The following PTPRD variants were observed in gnomAD, a reference collection of about 807,000 sequenced individuals.
PTPRD encodes the protein protein tyrosine phosphatase receptor type D, also known as receptor-type tyrosine-protein phosphatase delta.
Under a neutral mutation model 214.5 loss-of-function variants are expected in PTPRD, and 34 were observed. The ratio of observed to expected loss-of-function variants is 0.16; its 90% CI spans 0.12 to 0.21. The LOEUF (loss-of-function observed/expected upper bound fraction) is 0.21. Ranked by LOEUF, PTPRD falls within the 10% of genes least tolerant of loss-of-function variation. The pLI, the probability that PTPRD is intolerant of heterozygous loss-of-function variation, is 1.00. For missense variants in PTPRD, 2,545 were observed against 2,398.7 expected (o/e 1.06, Z -1.27); for synonymous variants, 1,128 against 845.7 (o/e 1.33, Z -5.79).
chr9:9,650,039 C>T (rs1227685332), intron 7 of PTPRD, among the ~76,000 whole-genome samples: 1 of 152,108 alleles, frequency 6.6e-6, no homozygotes, highest in Non-Finnish European at 1.5e-5. Flanking sequence ...AAAATCTCAT[C>T]TCAAATTGTA....
At chr9:9,046,176 G>A (rs1411380027) in intron 10 of PTPRD, among the ~76,000 whole-genome samples, 1 of 152,142 alleles carries the variant, frequency 6.6e-6, no homozygotes, top group Non-Finnish European at 1.5e-5. Context: ...CTAATTGCTT[G>A]AATGCACACT....
At chr9:9,964,099 GAC>G (rs2094533984) in intron 4 of PTPRD, among the ~76,000 whole-genome samples, 1 of 152,116 alleles carries the variant, frequency 6.6e-6, no homozygotes, top group Admixed American at 6.5e-5. Context: ...GACAGACAAA[GAC>G]AGAGACAGAG....
chr9:10,323,223 CCCTTCT>C, intron 3 of PTPRD, among the ~76,000 whole-genome samples: 1 of 40,848 alleles, frequency 2.4e-5, no homozygotes, highest in Non-Finnish European at 4.2e-5. Context: ...CCCTCCCCTT[CCCTTCT>C]CTCCCCTCCC....
rs1022856771 is a variant in PTPRD at position 10,593,826 on chromosome 9, T to A, written c.-600+18572A>T. On this transcript the variant is annotated intron_variant, in intron 2 of 45. Transcript: ENST00000381196. ...TATTTGTAACCTTGAAAAAAATGTCTTTTTTTCTTATTGCATAGACAGAAC... is the reference window on the plus strand; with the variant it reads ...TATTTGTAACCTTGAAAAAAATGTCATTTTTTCTTATTGCATAGACAGAAC... Among the ~76,000 whole-genome samples, 57 of 152,128 alleles carry A rather than the reference T, an allele frequency of 3.7e-4. 1 individual carries two copies. The highest frequency in any genetic ancestry group is 1.3e-3 in the African/African-American group (55 of 41,558).
chr9:10,603,708 G>C lies in PTPRD; in HGVS notation c.-600+8690C>G, dbSNP rs117548296. On this transcript the variant is annotated intron_variant, in intron 2 of 45. Transcript: ENST00000381196. ...AGATATGAAGCAGTCAATAAGTGTT[G>C]GCTATTATTATTACCTTCTATCTGA... Among the ~76,000 whole-genome samples, 189 of 151,892 alleles carry C rather than the reference G, an allele frequency of 1.2e-3. 1 individual carries two copies. The highest frequency in any genetic ancestry group is 0.012 in the East Asian group (63 of 5,128).
chr9:9,990,668 G>A (rs2095880636), intron 4 of PTPRD, among the ~76,000 whole-genome samples: 1 of 152,178 alleles, frequency 6.6e-6, no homozygotes, highest in Admixed American at 6.5e-5. Context: ...TGACTGTGAG[G>A]GGTGAGCTGC....
intron 14 of PTPRD, among the ~76,000 whole-genome samples, chr9:8,582,657 G>C (rs970860103): frequency 2.0e-5 from 3 of 152,106 alleles, no homozygotes; most frequent in Non-Finnish European, 2.9e-5. Context: ...AGGCACCAGT[G>C]GGGGGAAAAA....
chr9:9,940,689 A>C (rs1229238887), intron 4 of PTPRD, among the ~76,000 whole-genome samples: 1 of 152,090 alleles, frequency 6.6e-6, no homozygotes, highest in Non-Finnish European at 1.5e-5. Flanking sequence ...TAAATCAACA[A>C]ACACATATAT....
intron 14 of PTPRD, among the ~76,000 whole-genome samples, chr9:8,632,052 A>G (rs1179472058): frequency 6.6e-6 from 1 of 151,726 alleles, no homozygotes; most frequent in East Asian, 1.9e-4. Flanking sequence ...AGGTGTTTAT[A>G]CTATTTCAAA....
At chr9:9,579,647 C>T (rs143186231) in intron 7 of PTPRD, among the ~76,000 whole-genome samples, 169 of 152,186 alleles carry the variant, frequency 1.1e-3, no homozygotes, top group African/African-American at 3.7e-3. Context: ...TGTTCAGCTA[C>T]AGTTGAGTTT....
At chr9:8,471,837 G>T (rs567172779) in intron 30 of PTPRD, among the ~76,000 whole-genome samples, 2 of 152,304 alleles carry the variant, frequency 1.3e-5, no homozygotes, top group East Asian at 3.9e-4. Flanking sequence ...TGGGTTATTT[G>T]TAAAGCTGTT....
intron 3 of PTPRD, among the ~76,000 whole-genome samples, chr9:10,266,863 C>T: frequency 6.6e-6 from 1 of 152,022 alleles, no homozygotes; most frequent in East Asian, 1.9e-4. Context: ...CAGAAAACTT[C>T]ATGAAGAAAC....
chr9:9,182,762 T>C (rs2099928968), intron 10 of PTPRD, among the ~76,000 whole-genome samples: 3 of 152,038 alleles, frequency 2.0e-5, no homozygotes, highest in Admixed American at 2.0e-4. Context: ...GAGAACTGAA[T>C]GCATTAAATC....
chr9:8,415,484 T>C (rs1466387052), intron 35 of PTPRD, among the ~76,000 whole-genome samples: 1 of 152,214 alleles, frequency 6.6e-6, no homozygotes, highest in African/African-American at 2.4e-5. Context: ...TATTTTATAA[T>C]ATTTAAGGCT....
At chr9:9,368,492 C>T (rs2058505910) in intron 9 of PTPRD, among the ~76,000 whole-genome samples, 1 of 151,776 alleles carries the variant, frequency 6.6e-6, no homozygotes, top group Admixed American at 6.6e-5. Context: ...AGCAGTGATT[C>T]TTACAATGAG....
At position 10,360,830 on chromosome 9, in the gene PTPRD, C is replaced by T. The variant is rs147307529; in HGVS notation, c.-599-19813G>A. Reference sequence around the variant, plus strand: ...TAAAATTTGTCATTAAGGCCAGGCGCGGTGGCTCACGCCTGTAATCCCAGC... The same window carrying T: ...TAAAATTTGTCATTAAGGCCAGGCGTGGTGGCTCACGCCTGTAATCCCAGC... On this transcript the variant is annotated intron_variant, in intron 2 of 45. Transcript: ENST00000381196. Among the ~76,000 whole-genome samples the T allele has an allele frequency of 9.9e-3, 1,505 of 152,130 alleles. 27 individuals carry two copies. The highest frequency in any genetic ancestry group is 0.03 in the African/African-American group (1,227 of 41,514).
intron 5 of PTPRD, 53 bp from the exon 6 acceptor site, chr9:9,766,904 T>G (rs2098710842): frequency 6.6e-6 from 1 of 152,434 alleles, no homozygotes; most frequent in African/African-American, 2.4e-5. Flanking sequence ...ATGCATAGAT[T>G]GAGAAATACC....
intron 39 of PTPRD, among the ~76,000 whole-genome samples, chr9:8,366,233 G>C (rs2079844005): frequency 6.6e-6 from 1 of 152,096 alleles, no homozygotes; most frequent in Non-Finnish European, 1.5e-5. Flanking sequence ...TTTACCATTG[G>C]AATGGAAGAG....
At chr9:9,224,987 T>C (rs2099958503) in intron 9 of PTPRD, among the ~76,000 whole-genome samples, 1 of 152,042 alleles carries the variant, frequency 6.6e-6, no homozygotes, top group African/African-American at 2.4e-5. Flanking sequence ...GAATACTAAC[T>C]TGATCCAGTG....
Sources: allele counts gnomAD v4.1 joint callset (sites outside exome capture counted in the v4.1 genomes callset), GRCh38; gene constraint gnomAD v4.1.1; transcripts MANE v1.5; gene names NCBI Gene and HGNC (gene_info 2026-07-23, HGNC 2026-07-21).